The following PSMF1 variants were observed in gnomAD, a reference collection of about 807,000 sequenced individuals.
PSMF1 encodes proteasome inhibitor subunit 1, also known as proteasome inhibitor PI31 subunit.
In PSMF1, 30 loss-of-function variants were observed where a neutral mutation model predicts 29.3. The observed-to-expected ratio is 1.02, with a 90% CI of 0.77 to 1.39. The LOEUF (loss-of-function observed/expected upper bound fraction) is 1.39. PSMF1 is among the 40% of genes most tolerant of loss of function. PSMF1 has a pLI of 0.00. For synonymous variants in PSMF1, 134 were observed against 139.7 expected, an observed-to-expected ratio of 0.96 and a Z score of 0.29; for missense variants, 344 against 357.5, an observed-to-expected ratio of 0.96 and a Z score of 0.31.
At chr20:1,147,984 C>T (rs2086476802) in intron 4 of PSMF1, among the ~76,000 whole-genome samples, 1 of 152,206 alleles carries the variant, frequency 6.6e-6, no homozygotes, top group African/African-American at 2.4e-5. Flanking sequence ...AAATATCAGC[C>T]TCTGCTCCTT....
intron 4 of PSMF1, among the ~76,000 whole-genome samples, chr20:1,148,047 G>A (rs2086477629): frequency 6.6e-6 from 1 of 152,128 alleles, no homozygotes; most frequent in Admixed American, 6.5e-5. Flanking sequence ...CTCTTGTTTT[G>A]CCTCTCTCAC....
rs745793658 is a variant in PSMF1, at chr20:1,166,445, G to T, written c.*1365G>T. On this transcript the variant is annotated 3_prime_UTR_variant, in exon 7 of 7. Coordinates refer to ENST00000335877, the MANE Select transcript of PSMF1 (RefSeq NM_006814.5). Reference sequence around the variant, plus strand: ...ACCTGTAGGTAAGCAAGCTACTGTAGCTCTTCTGAGGTATCTGCCAGGCTG... The same window carrying T: ...ACCTGTAGGTAAGCAAGCTACTGTATCTCTTCTGAGGTATCTGCCAGGCTG... 1.0e-4 allele frequency: 67 copies of T among 658,236 alleles called. No homozygotes were observed. The highest frequency in any genetic ancestry group is 1.6e-4 in the Non-Finnish European group (60 of 374,108). The allele number at this position is 658,236 out of a possible 1,614,324, so 40.8% of individuals were successfully genotyped here. A position where few individuals can be genotyped will look rare whatever the true frequency, so the allele number is the denominator to read the frequency against.
intron 4 of PSMF1, among the ~76,000 whole-genome samples, chr20:1,156,825 A>T (rs761250590): frequency 2.6e-5 from 4 of 152,242 alleles, no homozygotes; most frequent in Non-Finnish European, 4.4e-5. Context: ...CATCAGGTAT[A>T]AAAGAAGAGT....
At chr20:1,128,450 C>T (rs1366865503) in intron 3 of PSMF1, among the ~76,000 whole-genome samples, 1 of 152,166 alleles carries the variant, frequency 6.6e-6, no homozygotes, top group East Asian at 1.9e-4. Flanking sequence ...AGAATACACA[C>T]AAATATTTTC....
At chr20:1,126,237 G>T (rs1308896582) in intron 2 of PSMF1, among the ~76,000 whole-genome samples, 1 of 152,090 alleles carries the variant, frequency 6.6e-6, no homozygotes, top group Non-Finnish European at 1.5e-5. Flanking sequence ...TTTGTGCTTT[G>T]CTTTTATTCT....
At chr20:1,133,569 A>ATATATATACATATATATTTT in intron 3 of PSMF1, among the ~76,000 whole-genome samples, 1 of 53,288 alleles carries the variant, frequency 1.9e-5, no homozygotes, top group South Asian at 6.7e-4. Context: ...ATATATATAT[A>ATATATATACATATATATTTT]TTTTTTTTTT....
chr20:1,131,267 C>G (rs2086225643), intron 3 of PSMF1, among the ~76,000 whole-genome samples: 1 of 152,228 alleles, frequency 6.6e-6, no homozygotes, highest in Non-Finnish European at 1.5e-5. Flanking sequence ...TCCGTCTGTT[C>G]AGCAATACTG....
chr20:1,136,126 C>G (rs1183724488), intron 4 of PSMF1, among the ~76,000 whole-genome samples: 1 of 152,180 alleles, frequency 6.6e-6, no homozygotes, highest in Non-Finnish European at 1.5e-5. Flanking sequence ...ATTGGCGTAT[C>G]TCTTTGGCAA....
At chr20:1,151,477 G>C (rs2086529970) in intron 4 of PSMF1, among the ~76,000 whole-genome samples, 1 of 152,210 alleles carries the variant, frequency 6.6e-6, no homozygotes, top group Non-Finnish European at 1.5e-5. Context: ...TTACACAAGA[G>C]AAAGCTAGAG....
intron 1 of PSMF1, among the ~76,000 whole-genome samples, chr20:1,125,140 C>G (rs1219114123): frequency 6.6e-6 from 1 of 152,220 alleles, no homozygotes; most frequent in Non-Finnish European, 1.5e-5. Flanking sequence ...AGCCTAACGT[C>G]CAAACTTTGA....
At chr20:1,122,260 G>A (rs2122450186) in intron 1 of PSMF1, among the ~76,000 whole-genome samples, 1 of 151,366 alleles carries the variant, frequency 6.6e-6, no homozygotes, top group African/African-American at 2.4e-5. Context: ...ACCATCTCAG[G>A]CCTTAGAGTT....
chr20:1,146,081 G>A (rs1883522), intron 4 of PSMF1, among the ~76,000 whole-genome samples: 113,250 of 151,990 alleles, frequency 0.75, 42,535 homozygotes, highest in Non-Finnish European at 0.77. Flanking sequence ...TTGGGCCCCT[G>A]CTTTAGAGGC....
At chr20:1,125,727 G>C (rs899576321) in intron 2 of PSMF1, 77 bp downstream of exon 2, 1 of 1,521,744 alleles carries the variant, frequency 6.6e-7, no homozygotes, top group Non-Finnish European at 8.9e-7. Flanking sequence ...TTAACGGTAC[G>C]AATCCAGAGC....
Position 1,152,942 on chromosome 20 carries a change from A to G in PSMF1, c.552-10188A>G, listed in dbSNP as rs558862028. Among the ~76,000 whole-genome samples, 3 of 152,354 alleles carry G rather than the reference A, an allele frequency of 2.0e-5. No individual in the cohort carries two copies. In the South Asian group the frequency reaches 6.2e-4, roughly 32 times the overall value. On this transcript the variant is annotated intron_variant, in intron 4 of 6. Coordinates refer to ENST00000335877, the MANE Select transcript of PSMF1 (RefSeq NM_006814.5). Reference sequence around the variant, plus strand: ...GCACGTCTCTGAATGTTTCCTTAGAATAGATTCCTATAGAATTACTACATT... The same window carrying G: ...GCACGTCTCTGAATGTTTCCTTAGAGTAGATTCCTATAGAATTACTACATT...
Position 1,135,045 on chromosome 20 carries a change from G to A in PSMF1, c.366-76G>A, listed in dbSNP as rs573665553. 41 of 1,506,998 alleles carry A rather than the reference G, an allele frequency of 2.7e-5. No homozygotes were observed. The African/African-American group carries it at 3.4e-4, about 13-fold the overall frequency. The allele number at this position is 1,506,998 out of a possible 1,614,324, so 93.4% of individuals were successfully genotyped here. ...AGCTATCAGGGCCGCCGCCGCCGCC[G>A]TCGTTGCAGCCAGAATACCACTTCC... On this transcript the variant is annotated intron_variant, in intron 3 of 6. Coordinates refer to ENST00000335877, the MANE Select transcript of PSMF1 (RefSeq NM_006814.5).
In PSMF1 at chr20:1,166,441, T is replaced by G. The variant is rs2086731286; in HGVS notation, c.*1361T>G. 1.5e-6 allele frequency: 1 copy of G among 671,508 alleles called. No homozygotes were observed. 41.6% of individuals were successfully genotyped at this position (671,508 alleles called of 1,614,324 possible). ...ATTTACCTGTAGGTAAGCAAGCTAC[T>G]GTAGCTCTTCTGAGGTATCTGCCAG... On this transcript the variant is annotated 3_prime_UTR_variant, in exon 7 of 7. Coordinates refer to ENST00000335877, the MANE Select transcript of PSMF1 (RefSeq NM_006814.5).
At position 1,169,503 on chromosome 20, in the gene PSMF1, G is replaced by A. The variant is rs1354293872; in HGVS notation, c.*4423G>A. ...GGTGGATGTTGTGAGAGTCACAGTG[G>A]GTTTAGAGGGACAAGGTAGTGAGAG... On this transcript the variant is annotated 3_prime_UTR_variant, in exon 7 of 7. Coordinates refer to ENST00000335877, the MANE Select transcript of PSMF1 (RefSeq NM_006814.5). Among the ~76,000 whole-genome samples the A allele has an allele frequency of 6.6e-6, 1 of 152,170 alleles. No individual in the cohort carries two copies. The highest frequency in any genetic ancestry group is 2.4e-5 in the African/African-American group (1 of 41,426).
At chr20:1,137,449 C>CA (rs1568471153) in intron 4 of PSMF1, among the ~76,000 whole-genome samples, 1 of 152,080 alleles carries the variant, frequency 6.6e-6, no homozygotes, top group African/African-American at 2.4e-5. Context: ...TAATATTATG[C>CA]AATAGTAAGT....
chr20:1,163,016 G>C lies in PSMF1; in HGVS notation c.552-114G>C. On this transcript the variant is annotated intron_variant, in intron 4 of 6. Transcript: ENST00000335877. This position sits in a 1 kb window ranked among gnomAD's most constrained non-coding sequence, Gnocchi z 6.1. Reference sequence around the variant, plus strand: ...CAAGGACCACCCTGAAATATCCCTTGTGCTATGGTCTCATGCAAGGGTTTC... The same window carrying C: ...CAAGGACCACCCTGAAATATCCCTTCTGCTATGGTCTCATGCAAGGGTTTC... 2 of 1,096,950 alleles carry C rather than the reference G, an allele frequency of 1.8e-6. No homozygotes were observed. Among genetic ancestry groups the C allele is most frequent in the Non-Finnish European group, 2.7e-6 (2 of 733,642 alleles). The allele number at this position is 1,096,950 out of a possible 1,614,324, so 68.0% of individuals were successfully genotyped here. A position where few individuals can be genotyped will look rare whatever the true frequency, so the allele number is the denominator to read the frequency against.
Sources: gnomAD v4.1 joint callset for allele counts (sites outside exome capture counted in the v4.1 genomes callset) on GRCh38, gnomAD v4.1.1 for gene constraint, Gnocchi (gnomAD v3.1) non-coding constraint, MANE v1.5 for transcripts, NCBI Gene and HGNC (gene_info 2026-07-23, HGNC 2026-07-21) for gene names.